The following LRP2 variants were observed in gnomAD, a reference collection of about 807,000 sequenced individuals.
The protein encoded by LRP2 is LDL receptor related protein 2, also known as low-density lipoprotein receptor-related protein 2.
A neutral mutation model predicts 531.0 loss-of-function variants in LRP2; 172 were observed. The ratio of observed to expected loss-of-function variants is 0.32; its 90% CI spans 0.29 to 0.37. The LOEUF (loss-of-function observed/expected upper bound fraction) is 0.37, where lower values mean the gene tolerates loss of function less well. LRP2 is among the 10% of genes least tolerant of loss of function. The pLI, the probability that LRP2 is intolerant of heterozygous loss-of-function variation, is 1.00. For synonymous variants in LRP2, 1,992 were observed against 2,027.6 expected (o/e 0.98, Z 0.47); for missense variants, 5,167 against 5,868.3 (o/e 0.88, Z 3.90).
rs1194298992 is a variant in LRP2 at position 169,212,038 on chromosome 2, C to G, written c.6210G>C (p.Leu2070=). 6.2e-7 allele frequency: 1 copy of G among 1,613,840 alleles called. No individual in the cohort carries two copies. The highest frequency in any genetic ancestry group is 8.5e-7 in the Non-Finnish European group (1 of 1,179,908). ...CCAAGCTAAAGCCTCTGATTGCAGACAGCATTGAAACAACAATGAAAGAGT... is the reference window on the plus strand; with the variant it reads ...CCAAGCTAAAGCCTCTGATTGCAGAGAGCATTGAAACAACAATGAAAGAGT... ...PYNSFIVVSM[L]SAIRGFSLEL... is the part of the protein sequence containing the mutation. Residue 2070 remains leucine, a synonymous_variant, in exon 37 of 79, where the codon CTG becomes CTC. Coordinates refer to ENST00000649046, the MANE Select transcript of LRP2 (RefSeq NM_004525.3).
intron 68 of LRP2, among the ~76,000 whole-genome samples, chr2:169,149,348 T>A (rs1686039946): frequency 6.6e-6 from 1 of 152,208 alleles, no homozygotes; most frequent in Admixed American, 6.5e-5. Flanking sequence ...GTAAGAAGGT[T>A]CAACACATCA....
At chr2:169,308,928 G>A (rs1684507196) in intron 3 of LRP2, among the ~76,000 whole-genome samples, 1 of 152,114 alleles carries the variant, frequency 6.6e-6, no homozygotes, top group Non-Finnish European at 1.5e-5. Context: ...ACTGGTGTGA[G>A]ATGATATCTC....
intron 38 of LRP2, among the ~76,000 whole-genome samples, chr2:169,208,270 A>T (rs1304165270): frequency 1.3e-5 from 2 of 152,192 alleles, no homozygotes; most frequent in African/African-American, 4.8e-5. Flanking sequence ...GCTGCATTTG[A>T]CGCACGGGCC....
chr2:169,351,100 T>G (rs1178231501), intron 1 of LRP2, among the ~76,000 whole-genome samples: 6 of 152,086 alleles, frequency 3.9e-5, no homozygotes, highest in Admixed American at 3.9e-4. Context: ...TTCTTGAAAA[T>G]CTAACTAAGT....
chr2:169,227,996 T>C (rs1374731017), intron 31 of LRP2, among the ~76,000 whole-genome samples: 1 of 152,140 alleles, frequency 6.6e-6, no homozygotes, highest in African/African-American at 2.4e-5. Flanking sequence ...CCACATTGCC[T>C]CTCTTCTGAA....
rs373499131 is a variant in LRP2 at position 169,290,925 on chromosome 2, G to T, written c.842C>A (p.Ser281Tyr). 2 of 1,613,910 alleles carry T rather than the reference G, an allele frequency of 1.2e-6. No individual in the cohort carries two copies. The highest frequency in any genetic ancestry group is 1.7e-6 in the Non-Finnish European group (2 of 1,180,018). ...WSCPESGRCI[S>Y]IYKVCDGILD... ...AATCCCATCACAAACTTTATAAATG[G>T]AGATGCATCGTCCCGACTCTGGGCA... The change falls in exon 8 of 79, where the codon TCC becomes TAC. Residue 281 changes from serine (S) to tyrosine (Y), a missense_variant. Around this residue, in one of 6 missense-constraint regions of LRP2, gnomAD observed 2,811 missense variants for 3,058.0 expected, o/e 0.92. Coordinates refer to ENST00000649046, the MANE Select transcript of LRP2 (RefSeq NM_004525.3).
chr2:169,225,293 T>C lies in LRP2; in HGVS notation c.5538+17A>G. On this transcript the variant is annotated intron_variant, in intron 33 of 78. Coordinates refer to ENST00000649046, the MANE Select transcript of LRP2 (RefSeq NM_004525.3). ...CTAAATCCAATGTTTGTGTAAGTAG[T>C]ATTATGGAATCATTACCTCGATTGA... 1 of 1,611,470 alleles carries C rather than the reference T, an allele frequency of 6.2e-7. No individual in the cohort carries two copies. The highest frequency in any genetic ancestry group is 8.5e-7 in the Non-Finnish European group (1 of 1,177,762).
At chr2:169,275,586 T>C (rs1332126810) in intron 13 of LRP2, among the ~76,000 whole-genome samples, 1 of 152,180 alleles carries the variant, frequency 6.6e-6, no homozygotes, top group Non-Finnish European at 1.5e-5. Context: ...GCATTTTGAA[T>C]ACCATAAGTG....
At chr2:169,135,829 ATCT>A (rs1053613706) in intron 76 of LRP2, among the ~76,000 whole-genome samples, 11 of 151,978 alleles carry the variant, frequency 7.2e-5, no homozygotes, top group Non-Finnish European at 2.9e-5. Flanking sequence ...CATCCCTACT[ATCT>A]TCTGTCTAGT....
rs79573199 is a variant in LRP2, at chr2:169,214,100, G to A, written c.5827-230C>T. 0.025 allele frequency among the ~76,000 whole-genome samples: 3,835 copies of A among 152,156 alleles called. 157 individuals carry two copies. The highest frequency in any genetic ancestry group is 0.085 in the African/African-American group (3,534 of 41,506). On this transcript the variant is annotated intron_variant, in intron 35 of 78. Coordinates refer to ENST00000649046, the MANE Select transcript of LRP2 (RefSeq NM_004525.3). ...GATAATGAAGACGGAGCTCACATGAGTCAGTCAACCTTTTCAGGTGGCACG... is the reference window on the plus strand; with the variant it reads ...GATAATGAAGACGGAGCTCACATGAATCAGTCAACCTTTTCAGGTGGCACG...
In LRP2 at chr2:169,307,330, C is replaced by A; in HGVS notation, c.378G>T (p.Arg126Ser). The change falls in exon 4 of 79, where the codon AGG becomes AGT. Residue 126 changes from arginine to serine, a missense_variant. Arg to Ser is a moderately radical substitution (Grantham distance 110). Transcript: ENST00000649046. ...CGGGGCAGTCTCTGACGTGGTCGCA[C>A]CTGTATTCACTTGGGATACACTGAC... ...SNGQCIPSEYRCDHVRDCPDG... is the reference protein window; with the variant it reads ...SNGQCIPSEYSCDHVRDCPDG... 6.2e-7 allele frequency: 1 copy of A among 1,614,130 alleles called. No individual in the cohort carries two copies. Among genetic ancestry groups the A allele is most frequent in the South Asian group, 1.1e-5 (1 of 91,084 alleles).
chr2:169,283,896 G>T (rs1683771579), intron 9 of LRP2, among the ~76,000 whole-genome samples: 1 of 152,060 alleles, frequency 6.6e-6, no homozygotes, highest in Non-Finnish European at 1.5e-5. Context: ...TATTAGAAGA[G>T]TCTTTCTTAA....
intron 33 of LRP2, among the ~76,000 whole-genome samples, chr2:169,221,747 T>A (rs1209611834): frequency 6.6e-6 from 1 of 152,164 alleles, no homozygotes; most frequent in African/African-American, 2.4e-5. Flanking sequence ...CTAAATTTTT[T>A]TCTCTGCCTA....
In LRP2 at chr2:169,207,224, C is replaced by T. The variant is rs757821381; in HGVS notation, c.6496G>A (p.Val2166Ile). The change falls in exon 39 of 79, where the codon GTT becomes ATT. Residue 2166 changes from valine (V) to isoleucine (I), a missense_variant. By Grantham distance (29) the Val-to-Ile change is conservative. Transcript: ENST00000649046. ...AGAACTTCTATCAGTGTTTCAGAAACAAAGGCATTGGTGAAATAAAGATTT... is the reference window on the plus strand; with the variant it reads ...AGAACTTCTATCAGTGTTTCAGAAATAAAGGCATTGGTGAAATAAAGATTT... Reference protein sequence around the residue: ...AGNLYFTNAFVSETLIEVLRI... With the variant: ...AGNLYFTNAFISETLIEVLRI... 1.9e-6 allele frequency: 3 copies of T among 1,613,766 alleles called. No individual in the cohort carries two copies. The South Asian group carries it at 3.3e-5, about 18-fold the overall frequency.
At position 169,242,958 on chromosome 2, in the gene LRP2, C is replaced by G. The variant is rs1308979429; in HGVS notation, c.3665G>C (p.Cys1222Ser). ...DCSDNSDEAG[C>S]PTRPPGMCHS... ...CATTCTGGGTATGTGTTACTTACGACAGCCTGCTTCATCCGAGTTGTCACT... is the reference window on the plus strand; with the variant it reads ...CATTCTGGGTATGTGTTACTTACGAGAGCCTGCTTCATCCGAGTTGTCACT... The change falls in exon 24 of 79, where the codon TGT becomes TCT. Residue 1222 changes from cysteine to serine, a missense_variant and splice_region_variant. Physicochemically the swap from Cys to Ser is moderately radical, Grantham distance 112. Coordinates refer to ENST00000649046, the MANE Select transcript of LRP2 (RefSeq NM_004525.3). The G allele has an allele frequency of 6.2e-7, 1 of 1,612,166 alleles. No homozygotes were observed. Among genetic ancestry groups the G allele is most frequent in the Non-Finnish European group, 8.5e-7 (1 of 1,178,268 alleles).
chr2:169,231,564 C>T, intron 31 of LRP2, 150 bp downstream of exon 31: 1 of 926,938 alleles, frequency 1.1e-6, no homozygotes, highest in Non-Finnish European at 1.8e-6. Context: ...ACAGTGACAT[C>T]ACCCCATACA....
chr2:169,132,729 G>T, intron 76 of LRP2, 48 bp from the exon 77 acceptor site: 1 of 928,370 alleles, frequency 1.1e-6, no homozygotes, highest in Non-Finnish European at 1.8e-6. Flanking sequence ...GAATTTAGTA[G>T]TAAATAAATT....
chr2:169,269,427 T>C (rs1206045351), intron 16 of LRP2, among the ~76,000 whole-genome samples: 3 of 152,052 alleles, frequency 2.0e-5, no homozygotes, highest in East Asian at 3.9e-4. Context: ...TGGAACAGAA[T>C]AGAGTCCTCA....
intron 1 of LRP2, among the ~76,000 whole-genome samples, chr2:169,355,767 C>A (rs142749017): frequency 6.6e-6 from 1 of 152,168 alleles, no homozygotes; most frequent in Non-Finnish European, 1.5e-5. Flanking sequence ...ATTGGCCTGA[C>A]ATAGTTTGAG....
Sources: allele counts gnomAD v4.1 joint callset (sites outside exome capture counted in the v4.1 genomes callset), GRCh38; gene constraint gnomAD v4.1.1; regional missense constraint gnomAD v4.1.1; transcripts MANE v1.5; gene names NCBI Gene and HGNC (gene_info 2026-07-23, HGNC 2026-07-21).